CDYL2: variants seen among roughly 807,000 people sequenced by gnomAD.
CDYL2 encodes the protein chromodomain Y like 2.
A neutral mutation model predicts 49.4 loss-of-function variants in CDYL2; 23 were observed. The observed-to-expected ratio is 0.47, with a 90% confidence interval of 0.34 to 0.66. CDYL2 has a LOEUF of 0.66. CDYL2 is among the 30% of genes least tolerant of loss of function. CDYL2 has a pLI of 0.01. For missense variants in CDYL2, 678 were observed against 656.4 expected, an observed-to-expected ratio of 1.03 and a Z score of -0.36; for synonymous variants, 360 against 268.8, an observed-to-expected ratio of 1.34 and a Z score of -3.32.
chr16:80,636,979 C>A (rs769478819), intron 2 of CDYL2, among the ~76,000 whole-genome samples: 6 of 152,172 alleles, frequency 3.9e-5, no homozygotes, highest in Non-Finnish European at 8.8e-5. Flanking sequence ...CGCATATTCT[C>A]ACTCATAAGT....
At chr16:80,611,695 C>A (rs970014787) in intron 5 of CDYL2, among the ~76,000 whole-genome samples, 3 of 152,344 alleles carry the variant, frequency 2.0e-5, no homozygotes, top group Admixed American at 2.0e-4. Flanking sequence ...ACTCACTAAA[C>A]CTCTCTAGCC....
chr16:80,739,022 T>C (rs776042052), intron 1 of CDYL2, among the ~76,000 whole-genome samples: 1 of 152,182 alleles, frequency 6.6e-6, no homozygotes, highest in Admixed American at 6.5e-5. Flanking sequence ...CATCAATGGA[T>C]GAATGGATAA....
chr16:80,691,025 A>C (rs77550401), intron 1 of CDYL2, among the ~76,000 whole-genome samples: 1,593 of 152,194 alleles, frequency 0.01, 35 homozygotes, highest in African/African-American at 0.036. Flanking sequence ...TTACTAGTAC[A>C]TGTCTTGGTC....
At chr16:80,705,996 A>C (rs1472064293) in intron 1 of CDYL2, among the ~76,000 whole-genome samples, 1 of 152,236 alleles carries the variant, frequency 6.6e-6, no homozygotes, top group Non-Finnish European at 1.5e-5. Context: ...GGACACTCCA[A>C]GGCAGTAGAG....
intron 6 of CDYL2, among the ~76,000 whole-genome samples, chr16:80,607,449 C>A (rs184374354): frequency 7.2e-5 from 11 of 152,364 alleles, no homozygotes; most frequent in African/African-American, 2.6e-4. Context: ...GAGCCTCAAT[C>A]TCCCAAAATG....
intron 1 of CDYL2, among the ~76,000 whole-genome samples, chr16:80,789,381 C>G (rs1344549746): frequency 1.3e-5 from 2 of 152,166 alleles, no homozygotes; most frequent in Non-Finnish European, 2.9e-5. Context: ...GGGGGTGGAT[C>G]ACGAGGTCAG....
At chr16:80,754,649 C>A (rs1241178340) in intron 1 of CDYL2, among the ~76,000 whole-genome samples, 1 of 152,120 alleles carries the variant, frequency 6.6e-6, no homozygotes, top group East Asian at 1.9e-4. Flanking sequence ...GCCTTACTTC[C>A]CTTATCAGTA....
At chr16:80,703,127 C>T (rs1904312214) in intron 1 of CDYL2, among the ~76,000 whole-genome samples, 1 of 152,122 alleles carries the variant, frequency 6.6e-6, no homozygotes. Context: ...GTAGAATATG[C>T]ACATACACAC....
chr16:80,687,394 G>C (rs920374255), intron 1 of CDYL2, among the ~76,000 whole-genome samples: 1 of 151,968 alleles, frequency 6.6e-6, no homozygotes, highest in African/African-American at 2.4e-5. Flanking sequence ...GGATGGATGG[G>C]TGGATGGGTG....
rs1906063211 is a variant in CDYL2 at position 80,601,121 on chromosome 16, TAC to T, written c.*3265_*3266del. 6.6e-6 allele frequency: 1 copy of T among 152,198 alleles called. No homozygotes were observed. The highest frequency in any genetic ancestry group is 1.5e-5 in the Non-Finnish European group (1 of 68,038). The allele number at this position is 152,198 out of a possible 1,614,324, so 9.4% of individuals were successfully genotyped here. ...TCTATGCCGGAAGGGGCACATTAAG[TAC>T]ATCAGCATTAGGCTGTGTCTTCCAA... On this transcript the variant is annotated 3_prime_UTR_variant, in exon 7 of 7. Coordinates refer to ENST00000570137, the MANE Select transcript of CDYL2 (RefSeq NM_152342.4).
chr16:80,736,391 T>G (rs1207474196), intron 1 of CDYL2: 2 of 152,348 alleles, frequency 1.3e-5, no homozygotes, highest in Non-Finnish European at 2.9e-5. Flanking sequence ...ACTAAGCACT[T>G]ATTTTCAAGT....
Position 80,694,979 on chromosome 16 carries a change from T to C in CDYL2, c.25-9850A>G, listed in dbSNP as rs572577559. 1.2e-3 allele frequency among the ~76,000 whole-genome samples: 190 copies of C among 152,370 alleles called. 1 individual carries two copies. The highest frequency in any genetic ancestry group is 4.4e-3 in the African/African-American group (183 of 41,590). On this transcript the variant is annotated intron_variant, in intron 1 of 6. Coordinates refer to ENST00000570137, the MANE Select transcript of CDYL2 (RefSeq NM_152342.4). Reference sequence around the variant, plus strand: ...AGTAACAGAACAAAATTAAGCAACATGCTCCTGATAATAAGAGTAACCCAA... The same window carrying C: ...AGTAACAGAACAAAATTAAGCAACACGCTCCTGATAATAAGAGTAACCCAA...
At chr16:80,778,212 G>C (rs1907153415) in intron 1 of CDYL2, among the ~76,000 whole-genome samples, 1 of 151,910 alleles carries the variant, frequency 6.6e-6, no homozygotes, top group Admixed American at 6.6e-5. Context: ...TTAATTCATG[G>C]TGAAACAAAA....
chr16:80,618,880 C>T (rs995122926), intron 4 of CDYL2, among the ~76,000 whole-genome samples: 7 of 152,224 alleles, frequency 4.6e-5, no homozygotes, highest in African/African-American at 1.7e-4. Flanking sequence ...GCTCTTTGAG[C>T]TGCTAATGAT....
intron 1 of CDYL2, among the ~76,000 whole-genome samples, chr16:80,751,972 C>T (rs906904879): frequency 6.6e-6 from 1 of 151,958 alleles, no homozygotes; most frequent in Admixed American, 6.6e-5. Context: ...GAAATTCAAC[C>T]GTAAATTACC....
At chr16:80,622,541 A>T (rs1371637266) in intron 3 of CDYL2, among the ~76,000 whole-genome samples, 1 of 152,194 alleles carries the variant, frequency 6.6e-6, no homozygotes, top group Non-Finnish European at 1.5e-5. Context: ...TAATAAAGAC[A>T]GGAATTGCAT....
At chr16:80,666,029 T>A (rs927971580) in intron 2 of CDYL2, among the ~76,000 whole-genome samples, 1 of 152,172 alleles carries the variant, frequency 6.6e-6, no homozygotes, top group African/African-American at 2.4e-5. Context: ...AAGCTCCACC[T>A]GAAGCGGAGT....
intron 1 of CDYL2, among the ~76,000 whole-genome samples, chr16:80,687,697 G>T (rs1391835083): frequency 6.6e-6 from 1 of 152,094 alleles, no homozygotes; most frequent in Non-Finnish European, 1.5e-5. Context: ...TAAGAACAGG[G>T]CTTTGTAACA....
intron 1 of CDYL2, among the ~76,000 whole-genome samples, chr16:80,731,655 C>A (rs1345585282): frequency 6.6e-6 from 1 of 152,124 alleles, no homozygotes; most frequent in East Asian, 1.9e-4. Context: ...GATTTCTCAA[C>A]AGCAACATTG....
Sources: allele counts gnomAD v4.1 joint callset (sites outside exome capture counted in the v4.1 genomes callset), GRCh38; gene constraint gnomAD v4.1.1; transcripts MANE v1.5; gene names NCBI Gene and HGNC (gene_info 2026-07-23, HGNC 2026-07-21).